The following OSGEPL1 variants were observed in gnomAD, a reference collection of about 807,000 sequenced individuals.
OSGEPL1 encodes the protein O-sialoglycoprotein endopeptidase like 1.
A neutral mutation model predicts 37.2 loss-of-function variants in OSGEPL1; 26 were observed. The ratio of observed to expected loss-of-function variants is 0.70; its 90% CI spans 0.51 to 0.97. The LOEUF (loss-of-function observed/expected upper bound fraction) is 0.97. Among genes scored for constraint, OSGEPL1 ranks in the 50% least tolerant of loss-of-function variants. The pLI is 0.00. For synonymous variants in OSGEPL1, 140 were observed against 159.9 expected, an observed-to-expected ratio of 0.88 and a Z score of 0.94; for missense variants, 404 against 487.0, an observed-to-expected ratio of 0.83 and a Z score of 1.60.
intron 3 of OSGEPL1, 63 bp downstream of exon 3, chr2:189,755,110 A>G (rs1559168589): frequency 1.3e-6 from 2 of 1,532,484 alleles, no homozygotes; most frequent in Non-Finnish European, 1.8e-6. Flanking sequence ...TAGCACATCT[A>G]TTGCTACTTA....
In OSGEPL1 at chr2:189,755,193, G is replaced by A. The variant is rs753850735; in HGVS notation, c.589C>T (p.Pro197Ser). The A allele has an allele frequency of 1.2e-6, 2 of 1,609,078 alleles. No homozygotes were observed. Among genetic ancestry groups the A allele is most frequent in the Admixed American group, 3.4e-5 (2 of 58,346 alleles). The change falls in exon 3 of 9, where the codon CCA becomes TCA. Residue 197 changes from proline to serine, a missense_variant. Pro to Ser is a moderately conservative substitution (Grantham distance 74). Transcript: ENST00000264151. Reference sequence around the variant, plus strand: ...ATTACCTTGTCAAGCATGTCACCTGGTGCTATGTCCAAAGACTTTCCAAGA... The same window carrying A: ...ATTACCTTGTCAAGCATGTCACCTGATGCTATGTCCAAAGACTTTCCAAGA... ...LLLGKSLDIA[P>S]GDMLDKVARR...
chr2:189,760,157 T>C (rs2106081026), intron 2 of OSGEPL1, among the ~76,000 whole-genome samples: 1 of 152,364 alleles, frequency 6.6e-6, no homozygotes, highest in East Asian at 1.9e-4. Context: ...TGTCTACTTC[T>C]TTCTACACAG....
chr2:189,753,822 A>G, intron 5 of OSGEPL1, 94 bp downstream of exon 5: 1 of 1,314,056 alleles, frequency 7.6e-7, no homozygotes, highest in Non-Finnish European at 1.0e-6. Flanking sequence ...TAAGGCATAA[A>G]GATCTGTTCA....
chr2:189,753,563 AAAAC>A (rs139338633), intron 5 of OSGEPL1, among the ~76,000 whole-genome samples: 1,582 of 152,306 alleles, frequency 0.01, 34 homozygotes, highest in African/African-American at 0.036. Context: ...GCTTATTAAA[AAAAC>A]AAACAAACAA....
rs141013296 is a variant in OSGEPL1, at chr2:189,754,380, T to G, written c.610-35A>C. 5.2e-6 allele frequency: 8 copies of G among 1,530,606 alleles called. No individual in the cohort carries two copies. In the South Asian group the frequency reaches 9.8e-5, roughly 19 times the overall value. 94.8% of individuals were successfully genotyped at this position (1,530,606 alleles called of 1,614,324 possible). A position where few individuals can be genotyped will look rare whatever the true frequency, so the allele number is the denominator to read the frequency against. ...AAACATATTTTTTAGAGTCATAAAA[T>G]TAAATACTGTGAAACGAAAAGATGC... On this transcript the variant is annotated intron_variant, in intron 3 of 8. Transcript: ENST00000264151.
intron 8 of OSGEPL1, among the ~76,000 whole-genome samples, chr2:189,747,911 C>T (rs2044406397): frequency 6.6e-6 from 1 of 152,118 alleles, no homozygotes; most frequent in African/African-American, 2.4e-5. Flanking sequence ...GTCTTGAACT[C>T]CTGACATCAG....
chr2:189,761,465 T>C lies in OSGEPL1; in HGVS notation c.176A>G (p.Asn59Ser), dbSNP rs1323138826. The change falls in exon 2 of 9, where the codon AAT becomes AGT. Residue 59 changes from asparagine to serine, a missense_variant. Transcript: ENST00000264151. ...GGAATGTATTGCTTCTCCCAACACA[T>C]TTCCAGTTTCATCCACCACAGCAGC... is the stretch of plus-strand genomic sequence containing the variant. ...TAAAVVDETG[N>S]VLGEAIHSQT... is the part of the protein sequence containing the mutation. The C allele has an allele frequency of 6.2e-7, 1 of 1,612,732 alleles. No homozygotes were observed. The highest frequency in any genetic ancestry group is 1.1e-5 in the South Asian group (1 of 90,698).
chr2:189,753,015 T>G lies in OSGEPL1; in HGVS notation c.964-36A>C, dbSNP rs114862566. On this transcript the variant is annotated intron_variant, in intron 5 of 8. Transcript: ENST00000264151. ...TGAGAAAACCAAAATAACTATCATA[T>G]ATGGATATGAACCAAGCTGCTAATT... 2.5e-3 allele frequency: 3,881 copies of G among 1,564,926 alleles called. 3 individuals carry two copies. Among genetic ancestry groups the G allele is most frequent in the Non-Finnish European group, 3.1e-3 (3,580 of 1,156,608 alleles).
chr2:189,753,409 G>A (rs900956890), intron 5 of OSGEPL1, among the ~76,000 whole-genome samples: 1 of 151,992 alleles, frequency 6.6e-6, no homozygotes, highest in African/African-American at 2.4e-5. Context: ...TAAAGTTTAA[G>A]ATACAGTTAA....
intron 2 of OSGEPL1, among the ~76,000 whole-genome samples, chr2:189,756,776 T>G (rs2046151960): frequency 6.6e-6 from 1 of 152,134 alleles, no homozygotes; most frequent in Admixed American, 6.5e-5. Context: ...TCAACAGTCT[T>G]CTAATTGTAC....
chr2:189,752,761 A>T, intron 6 of OSGEPL1, 37 bp from the exon 7 acceptor site: 1 of 1,613,456 alleles, frequency 6.2e-7, no homozygotes, highest in Middle Eastern at 1.7e-4. Context: ...CAATAGCTCC[A>T]AGATCTGAAG....
rs572241201 is a variant in OSGEPL1 at position 189,754,184 on chromosome 2, T to C, written c.771A>G (p.Gln257=). The C allele has an allele frequency of 4.3e-5, 70 of 1,613,848 alleles. No individual in the cohort carries two copies. The East Asian group carries it at 1.1e-3, about 25-fold the overall frequency. The change falls in exon 4 of 9, where the codon CAA becomes CAG. Residue 257 remains glutamine (Q), a synonymous_variant. Coordinates refer to ENST00000264151, the MANE Select transcript of OSGEPL1 (RefSeq NM_022353.3). ...TCATTATTATTTTATCAGTAACGTGTTGAAGTCCAGTAAAAGAAAAATCAC... is the reference window on the plus strand; with the variant it reads ...TCATTATTATTTTATCAGTAACGTGCTGAAGTCCAGTAAAAGAAAAATCAC... ...KNCDFSFTGL[Q]HVTDKIIMKK... is the part of the protein sequence containing the mutation.
At chr2:189,751,444 G>GTTTTTTTTTTTTTTTTTTTTTTTTTTT (rs779920289) in intron 7 of OSGEPL1, among the ~76,000 whole-genome samples, 1 of 126,148 alleles carries the variant, frequency 7.9e-6, no homozygotes. Context: ...GACAAGTTGT[G>GTTTTTTTTTTTTTTTTTTTTTTTTTTT]TTTTTTTTTT....
In OSGEPL1 at chr2:189,761,577, A is replaced by T. The variant is rs2047070438; in HGVS notation, c.64T>A (p.Phe22Ile). Residue 22 changes from phenylalanine to isoleucine, a missense_variant, in exon 2 of 9, where the codon TTT becomes ATT. By Grantham distance (21) the Phe-to-Ile change is conservative. Coordinates refer to ENST00000264151, the MANE Select transcript of OSGEPL1 (RefSeq NM_022353.3). ...GGATGAAAATTAAAACTTCTTAAAA[A>T]TTCATAAACTTTCCTTTTTGATGGT... ...FKPSKRKVYE[F>I]LRSFNFHPGT... 3 of 1,610,688 alleles carry T rather than the reference A, an allele frequency of 1.9e-6. No individual in the cohort carries two copies. Among genetic ancestry groups the T allele is most frequent in the Non-Finnish European group, 2.5e-6 (3 of 1,178,746 alleles).
intron 2 of OSGEPL1, 62 bp downstream of exon 2, chr2:189,761,358 T>C: frequency 6.5e-7 from 1 of 1,529,900 alleles, no homozygotes; most frequent in Non-Finnish European, 8.8e-7. Context: ...ATATGACAAA[T>C]ACAAAAGAAT....
chr2:189,748,359 T>C (rs2105936112), intron 8 of OSGEPL1, among the ~76,000 whole-genome samples: 1 of 152,222 alleles, frequency 6.6e-6, no homozygotes, highest in East Asian at 1.9e-4. Context: ...TCTCAGTCTT[T>C]GTTATGCTGA....
At chr2:189,758,286 G>A (rs2046388963) in intron 2 of OSGEPL1, among the ~76,000 whole-genome samples, 1 of 152,046 alleles carries the variant, frequency 6.6e-6, no homozygotes, top group South Asian at 2.1e-4. Context: ...AAGGCTGAGG[G>A]GGGAGAATCG....
chr2:189,762,973 C>T, upstream of OSGEPL1: 2 of 985,340 alleles, frequency 2.0e-6, no homozygotes, highest in Non-Finnish European at 2.4e-6. Flanking sequence ...AGTGACTGAT[C>T]CAGCGGAGGC....
At chr2:189,755,113 G>C in intron 3 of OSGEPL1, 60 bp downstream of exon 3, 1 of 1,554,124 alleles carries the variant, frequency 6.4e-7, no homozygotes. Context: ...CACATCTATT[G>C]CTACTTAGTT....
Sources: allele counts gnomAD v4.1 joint callset (sites outside exome capture counted in the v4.1 genomes callset), GRCh38; gene constraint gnomAD v4.1.1; transcripts MANE v1.5; gene names NCBI Gene and HGNC (gene_info 2026-07-23, HGNC 2026-07-21).